Variants in SPIRE1 observed in about 807,000 individuals in gnomAD.
SPIRE1 encodes the protein spire type actin nucleation factor 1, also known as protein spire homolog 1.
A neutral mutation model predicts 94.1 loss-of-function variants in SPIRE1; 40 were observed. The observed-to-expected ratio is 0.43, with a 90% CI of 0.33 to 0.55. The LOEUF (loss-of-function observed/expected upper bound fraction) is 0.55, where lower values mean the gene tolerates loss of function less well. Among genes scored for constraint, SPIRE1 ranks in the 20% least tolerant of loss-of-function variants. The pLI, the probability that SPIRE1 is intolerant of heterozygous loss-of-function variation, is 0.06. For missense variants in SPIRE1, 838 were observed against 975.2 expected (o/e 0.86, Z 1.87); for synonymous variants, 376 against 371.7 (o/e 1.01, Z -0.13).
chr18:12,465,255 C>T (rs1401349573), intron 10 of SPIRE1, among the ~76,000 whole-genome samples: 1 of 152,126 alleles, frequency 6.6e-6, no homozygotes, highest in Non-Finnish European at 1.5e-5. Flanking sequence ...GGGCCCACTG[C>T]AGCGTCTACC....
At chr18:12,644,480 T>C (rs893612805) in intron 1 of SPIRE1, among the ~76,000 whole-genome samples, 1 of 151,864 alleles carries the variant, frequency 6.6e-6, no homozygotes, top group African/African-American at 2.4e-5. Flanking sequence ...AATAAATGAG[T>C]ATCAAACAAG....
chr18:12,646,210 C>T (rs554360977), intron 1 of SPIRE1, among the ~76,000 whole-genome samples: 2 of 152,274 alleles, frequency 1.3e-5, no homozygotes, highest in African/African-American at 4.8e-5. Flanking sequence ...ACATAGTCTT[C>T]CTTTTAGGCT....
At chr18:12,563,103 GTTTAA>G (rs2035732536) in intron 2 of SPIRE1, among the ~76,000 whole-genome samples, 1 of 148,730 alleles carries the variant, frequency 6.7e-6, no homozygotes, top group Non-Finnish European at 1.5e-5. Flanking sequence ...TTGAATGAAT[GTTTAA>G]TTTCAGTTAC....
chr18:12,541,797 A>G lies in SPIRE1; in HGVS notation c.603+4877T>C, dbSNP rs62097095. ...AATTAGAGTATTTTAGGCTAGTACA[A>G]TCCACAGAAATACAGTGTGAGCCAT... On this transcript the variant is annotated intron_variant, in intron 3 of 16. Transcript: ENST00000409402. 5.1e-3 allele frequency among the ~76,000 whole-genome samples: 777 copies of G among 152,178 alleles called. 6 individuals carry two copies. Among genetic ancestry groups the G allele is most frequent in the South Asian group, 0.019 (90 of 4,820 alleles).
chr18:12,535,667 CAG>C, intron 3 of SPIRE1, 66 bp from the exon 4 acceptor site: 1 of 1,468,188 alleles, frequency 6.8e-7, no homozygotes, highest in Non-Finnish European at 9.3e-7. Flanking sequence ...TACTTAAAAA[CAG>C]ACACGAGCAG....
At chr18:12,630,226 A>G (rs967530537) in intron 2 of SPIRE1, among the ~76,000 whole-genome samples, 10 of 152,164 alleles carry the variant, frequency 6.6e-5, no homozygotes, top group African/African-American at 2.2e-4. Flanking sequence ...AGATAAAGAG[A>G]TTTTGTTCTC....
At chr18:12,635,904 T>TG (rs1362486466) in intron 1 of SPIRE1, among the ~76,000 whole-genome samples, 1 of 151,924 alleles carries the variant, frequency 6.6e-6, no homozygotes, top group African/African-American at 2.4e-5. Context: ...TGTTTTTTTT[T>TG]TTGAGAAGCA....
intron 2 of SPIRE1, among the ~76,000 whole-genome samples, chr18:12,628,713 TC>T (rs2037698844): frequency 6.6e-6 from 1 of 152,164 alleles, no homozygotes; most frequent in Non-Finnish European, 1.5e-5. Flanking sequence ...TTTGTGTCTC[TC>T]TCTTATTTTG....
At chr18:12,492,809 T>C (rs1433080980) in intron 8 of SPIRE1, among the ~76,000 whole-genome samples, 1 of 152,158 alleles carries the variant, frequency 6.6e-6, no homozygotes, top group Non-Finnish European at 1.5e-5. Context: ...CTCTTTCAAT[T>C]ACGGCACGAT....
intron 2 of SPIRE1, among the ~76,000 whole-genome samples, chr18:12,596,855 ACTT>A (rs2036684770): frequency 6.9e-6 from 1 of 145,854 alleles, no homozygotes. Flanking sequence ...AGATAGGAGA[ACTT>A]AATACCACAG....
rs529496139 is a variant in SPIRE1 at position 12,530,489 on chromosome 18, G to A, written c.729+4987C>T. On this transcript the variant is annotated intron_variant, in intron 4 of 16. Coordinates refer to ENST00000409402, the MANE Select transcript of SPIRE1 (RefSeq NM_001128626.2). ...GGGCTCAAAAGATCTTCCTGTCTCC[G>A]CCTCCCAAGCAGCTAGGATTCCAGG... Among the ~76,000 whole-genome samples, 19 of 152,078 alleles carry A rather than the reference G, an allele frequency of 1.2e-4. No individual in the cohort carries two copies. In the East Asian group the frequency reaches 2.1e-3, roughly 17 times the overall value.
chr18:12,557,731 T>TAA lies in SPIRE1; in HGVS notation c.373-10829_373-10828dup, dbSNP rs550470059. Among the ~76,000 whole-genome samples the TAA allele has an allele frequency of 2.7e-3, 412 of 150,604 alleles. 2 individuals are homozygous for TAA. The highest frequency in any genetic ancestry group is 8.9e-3 in the African/African-American group (368 of 41,232). On this transcript the variant is annotated intron_variant, in intron 2 of 16. Transcript: ENST00000409402. ...ATATACAAATATATATATATATATA[T>TAA]AAAATACCACAAATATACAAATACT...
chr18:12,512,341 C>A (rs561591982), intron 5 of SPIRE1, 113 bp downstream of exon 5: 2 of 693,908 alleles, frequency 2.9e-6, no homozygotes, highest in East Asian at 5.6e-5. Context: ...GAGCTGAGAT[C>A]GCACCATTGC....
intron 2 of SPIRE1, among the ~76,000 whole-genome samples, chr18:12,629,385 T>C (rs749546263): frequency 6.6e-6 from 1 of 152,190 alleles, no homozygotes; most frequent in Non-Finnish European, 1.5e-5. Flanking sequence ...ACAATGGCAG[T>C]AGGAAAAATT....
chr18:12,631,561 A>C (rs931327701), intron 2 of SPIRE1, among the ~76,000 whole-genome samples: 18 of 150,226 alleles, frequency 1.2e-4, no homozygotes, highest in African/African-American at 3.6e-4. Flanking sequence ...AAAAAAAAAA[A>C]AAAAAAAAAA....
intron 3 of SPIRE1, among the ~76,000 whole-genome samples, chr18:12,542,011 C>G (rs375497951): frequency 2.9e-4 from 44 of 151,126 alleles, no homozygotes; most frequent in African/African-American, 1.0e-3. Context: ...GAGTCTCGCT[C>G]TGCTGCCCAG....
chr18:12,564,474 AAC>A (rs879646540), intron 2 of SPIRE1, among the ~76,000 whole-genome samples: 6 of 152,200 alleles, frequency 3.9e-5, no homozygotes, highest in Non-Finnish European at 7.3e-5. Flanking sequence ...AAAAACAAAA[AAC>A]AGTTTCTAAA....
intron 2 of SPIRE1, among the ~76,000 whole-genome samples, chr18:12,583,438 C>A (rs549178400): frequency 6.6e-6 from 1 of 152,228 alleles, no homozygotes; most frequent in Non-Finnish European, 1.5e-5. Flanking sequence ...CTCATCTCTA[C>A]TAAAAATACA....
At chr18:12,526,717 AT>A (rs35114575) in intron 4 of SPIRE1, among the ~76,000 whole-genome samples, 14,243 of 150,248 alleles carry the variant, frequency 0.095, 939 homozygotes, top group Middle Eastern at 0.19. Flanking sequence ...TTTTAATTTA[AT>A]TTTTTTTTTG....
Sources: allele counts gnomAD v4.1 joint callset (sites outside exome capture counted in the v4.1 genomes callset), GRCh38; gene constraint gnomAD v4.1.1; transcripts MANE v1.5; gene names NCBI Gene and HGNC (gene_info 2026-07-23, HGNC 2026-07-21).